Variants in FUT8 observed in about 807,000 individuals in gnomAD.
FUT8 encodes alpha-(1,6)-fucosyltransferase.
A neutral mutation model predicts 71.3 loss-of-function variants in FUT8; 29 were observed. The observed-to-expected ratio is 0.41, with a 90% CI of 0.30 to 0.55. FUT8 has a LOEUF of 0.55. Among genes scored for constraint, FUT8 ranks in the 20% least tolerant of loss-of-function variants. The pLI is 0.34. For missense variants in FUT8, 544 were observed against 702.1 expected, an observed-to-expected ratio of 0.77 and a Z score of 2.55; for synonymous variants, 254 against 239.3, an observed-to-expected ratio of 1.06 and a Z score of -0.57.
At chr14:65,359,101 T>G in the FUT8 span, among the ~76,000 whole-genome samples, 1 of 152,214 alleles carries the variant, frequency 6.6e-6, no homozygotes, top group Non-Finnish European at 1.5e-5. Flanking sequence ...TCTTTTCTTT[T>G]TTAGGGGCAC....
intron 3 of FUT8, among the ~76,000 whole-genome samples, chr14:65,594,558 A>T (rs537904934): frequency 6.5e-4 from 99 of 152,300 alleles, no homozygotes; most frequent in African/African-American, 2.3e-3. Flanking sequence ...CCAGTATGAC[A>T]GACTTTTTGG....
In FUT8 at chr14:65,467,892, G is replaced by C. The variant is rs1258326920; in HGVS notation, c.-228+12174G>C. The C allele has an allele frequency of 1.3e-5, 10 of 764,536 alleles. No homozygotes were observed. The highest frequency in any genetic ancestry group is 1.9e-5 in the Non-Finnish European group (8 of 412,568). The allele number at this position is 764,536 out of a possible 1,614,324, so 47.4% of individuals were successfully genotyped here. A position where few individuals can be genotyped will look rare whatever the true frequency, so the allele number is the denominator to read the frequency against. On this transcript the variant is annotated intron_variant, in intron 2 of 10. Transcript: ENST00000673929. This position sits in a 1 kb window ranked among gnomAD's most constrained non-coding sequence, Gnocchi z 4.1. ...CACAAAGTGTGCTTCTCTGGATGGA[G>C]CAGGCTGGTGCTTCAGTAGAACCCG... is the stretch of plus-strand genomic sequence containing the variant.
At chr14:65,518,308 G>T (rs1882845543) in intron 2 of FUT8, among the ~76,000 whole-genome samples, 1 of 152,134 alleles carries the variant, frequency 6.6e-6, no homozygotes, top group South Asian at 2.1e-4. Flanking sequence ...CTTCTAAAAG[G>T]TAATACTGTA....
At position 65,561,328 on chromosome 14, in the gene FUT8, T is replaced by C; in HGVS notation, c.-227-9T>C. ...AATAATTTAAATACATTTCTTACTC[T>C]TTCCACAGCATGTAGAGCGCATGAA... is the stretch of plus-strand genomic sequence containing the variant. On this transcript the variant is annotated splice_polypyrimidine_tract_variant and intron_variant, in intron 2 of 10. Coordinates refer to ENST00000673929, the MANE Select transcript of FUT8 (RefSeq NM_001371533.1). The C allele has an allele frequency of 6.2e-6, 3 of 487,686 alleles. No individual in the cohort carries two copies. Among genetic ancestry groups the C allele is most frequent in the Non-Finnish European group, 1.1e-5 (3 of 273,100 alleles). 30.2% of individuals were successfully genotyped at this position (487,686 alleles called of 1,614,324 possible).
chr14:65,633,560 C>T (rs1890337927), intron 6 of FUT8, among the ~76,000 whole-genome samples: 1 of 151,320 alleles, frequency 6.6e-6, no homozygotes, highest in Admixed American at 6.6e-5. Flanking sequence ...GCCACCATCC[C>T]ATCTAGGAAG....
intron 2 of FUT8, among the ~76,000 whole-genome samples, chr14:65,523,815 A>G (rs1343262189): frequency 6.6e-6 from 1 of 152,186 alleles, no homozygotes; most frequent in Non-Finnish European, 1.5e-5. Flanking sequence ...TCCCAGCACC[A>G]TTTATTAAAT....
intron 2 of FUT8, among the ~76,000 whole-genome samples, chr14:65,539,485 A>C (rs1272559258): frequency 6.6e-6 from 1 of 152,192 alleles, no homozygotes; most frequent in Non-Finnish European, 1.5e-5. Flanking sequence ...TGGACTCTAG[A>C]GCTAGCTTGT....
the FUT8 span, among the ~76,000 whole-genome samples, chr14:65,364,990 AGTGTGTACCTT>A: frequency 6.6e-6 from 1 of 152,190 alleles, no homozygotes; most frequent in Non-Finnish European, 1.5e-5. Flanking sequence ...TCCCAGGTAC[AGTGTGTACCTT>A]TTGAAGTTTT....
chr14:65,471,261 A>AT (rs1181616769), intron 2 of FUT8: 1 of 168,016 alleles, frequency 6.0e-6, no homozygotes, highest in East Asian at 1.9e-4. Context: ...GGAGTTGGGT[A>AT]TTTCCCTTCC....
intron 1 of FUT8, among the ~76,000 whole-genome samples, chr14:65,448,313 G>C (rs1345696757): frequency 6.6e-6 from 1 of 152,134 alleles, no homozygotes; most frequent in Non-Finnish European, 1.5e-5. Flanking sequence ...TATAGAATGG[G>C]GGGGCGGAAT....
chr14:65,714,007 T>TAAA (rs1377749315), intron 7 of FUT8, among the ~76,000 whole-genome samples: 1 of 152,252 alleles, frequency 6.6e-6, no homozygotes, highest in African/African-American at 2.4e-5. Context: ...TTTGAGGTCT[T>TAAA]AGATTTAAGT....
intron 7 of FUT8, among the ~76,000 whole-genome samples, chr14:65,695,741 C>T (rs1893959080): frequency 6.6e-6 from 1 of 151,868 alleles, no homozygotes. Context: ...ACATTTAAAG[C>T]AGTTATTGAT....
chr14:65,589,408 C>G (rs1440675999), intron 3 of FUT8, among the ~76,000 whole-genome samples: 1 of 150,592 alleles, frequency 6.6e-6, no homozygotes, highest in African/African-American at 2.4e-5. Context: ...CTTTGATATT[C>G]ACCCTTTGCT....
intron 1 of FUT8, among the ~76,000 whole-genome samples, chr14:65,441,851 A>G (rs2065663039): frequency 6.7e-6 from 1 of 149,586 alleles, no homozygotes; most frequent in Non-Finnish European, 1.5e-5. Flanking sequence ...CACAACGCGC[A>G]GGTTTGTTAC....
chr14:65,703,940 T>C (rs1484367914), intron 7 of FUT8, among the ~76,000 whole-genome samples: 2 of 152,248 alleles, frequency 1.3e-5, no homozygotes, highest in African/African-American at 4.8e-5. Context: ...TTAAGTGTTT[T>C]GTTTTTGCTT....
chr14:65,685,690 G>T (rs1387254802), intron 7 of FUT8, among the ~76,000 whole-genome samples: 1 of 152,182 alleles, frequency 6.6e-6, no homozygotes, highest in Admixed American at 6.5e-5. Context: ...TGAATTTTCT[G>T]GGAAAGGGGT....
intron 7 of FUT8, among the ~76,000 whole-genome samples, chr14:65,700,192 T>C (rs778808994): frequency 1.2e-4 from 18 of 152,180 alleles, no homozygotes; most frequent in Non-Finnish European, 2.5e-4. Flanking sequence ...TTAACAGTGA[T>C]TCTCAGTGAC....
intron 1 of FUT8, among the ~76,000 whole-genome samples, chr14:65,449,899 G>A (rs548047265): frequency 6.6e-6 from 1 of 152,294 alleles, no homozygotes; most frequent in East Asian, 1.9e-4. Flanking sequence ...TTTAAAACAT[G>A]TTTATAGCTT....
At chr14:65,584,862 A>C (rs1036341999) in intron 3 of FUT8, among the ~76,000 whole-genome samples, 2 of 152,220 alleles carry the variant, frequency 1.3e-5, no homozygotes, top group Non-Finnish European at 2.9e-5. Flanking sequence ...TCATCCATTC[A>C]CGTAGTCCTT....
Sources: gnomAD v4.1 joint callset for allele counts (sites outside exome capture counted in the v4.1 genomes callset) on GRCh38, gnomAD v4.1.1 for gene constraint, Gnocchi (gnomAD v3.1) non-coding constraint, MANE v1.5 for transcripts, NCBI Gene and HGNC (gene_info 2026-07-23, HGNC 2026-07-21) for gene names.